The following CMKLR1 variants were observed in gnomAD, a reference collection of about 807,000 sequenced individuals.
CMKLR1 encodes chemerin chemokine-like receptor 1.
A neutral mutation model predicts 8.2 loss-of-function variants in CMKLR1; 6 were observed. That is an observed-to-expected ratio of 0.73 (90% CI 0.40 to 1.44). CMKLR1 has a LOEUF of 1.44. Among genes scored for constraint, CMKLR1 ranks in the 40% most tolerant of loss-of-function variants. CMKLR1 has a pLI of 0.02. For synonymous variants in CMKLR1, 178 were observed against 181.2 expected (o/e 0.98, Z 0.14); for missense variants, 429 against 478.0 (o/e 0.90, Z 0.96).
chr12:108,291,853 G>A lies in CMKLR1; in HGVS notation c.1110C>T (p.Thr370=), dbSNP rs199778809. The A allele has an allele frequency of 2.5e-4, 408 of 1,612,414 alleles. 1 individual carries two copies. Among genetic ancestry groups the A allele is most frequent in the Admixed American group, 1.2e-3 (74 of 59,938 alleles). The change falls in exon 4 of 4, where the codon ACC becomes ACT. Residue 370 remains threonine (T), a synonymous_variant. Transcript: ENST00000550402. The part of the protein sequence containing the change: ...NERTSMNERE[T]GML ...TCCACAGTGAGGATCAAAGCATGCC[G>A]GTCTCCCTCTCATTCATAGAAGTCC...
At chr12:108,321,934 G>A (rs1185470049) in intron 2 of CMKLR1, among the ~76,000 whole-genome samples, 3 of 152,160 alleles carry the variant, frequency 2.0e-5, no homozygotes, top group Non-Finnish European at 4.4e-5. Flanking sequence ...CATAGGGGTG[G>A]ATCCCTCCTG....
At position 108,290,480 on chromosome 12, in the gene CMKLR1, T is replaced by C. The variant is rs1024445463; in HGVS notation, c.*1361A>G. ...GCTAAATAAATGTAGGCTATCAATA[T>C]ACTAGAATAATCTCCACAGATAAAT... On this transcript the variant is annotated 3_prime_UTR_variant, in exon 4 of 4. Coordinates refer to ENST00000550402, the MANE Select transcript of CMKLR1 (RefSeq NM_001142343.2). 1 of 152,230 alleles carries C rather than the reference T, an allele frequency of 6.6e-6. No individual in the cohort carries two copies. Among genetic ancestry groups the C allele is most frequent in the African/African-American group, 2.4e-5 (1 of 41,462 alleles). The allele number at this position is 152,230 out of a possible 1,614,324, so 9.4% of individuals were successfully genotyped here. A position where few individuals can be genotyped will look rare whatever the true frequency, so the allele number is the denominator to read the frequency against.
chr12:108,291,517 G>A lies in CMKLR1; in HGVS notation c.*324C>T. ...GTCATTTCTGGGGCACACACAATAG[G>A]CAGCTTAATCCCACCGCCCTATGCC... On this transcript the variant is annotated 3_prime_UTR_variant, in exon 4 of 4. Transcript: ENST00000550402. The A allele has an allele frequency of 3.5e-6, 1 of 288,350 alleles. No individual in the cohort carries two copies. The highest frequency in any genetic ancestry group is 4.8e-5 in the South Asian group (1 of 20,796). The allele number at this position is 288,350 out of a possible 1,614,324, so 17.9% of individuals were successfully genotyped here.
chr12:108,329,320 C>A (rs1451500311), intron 2 of CMKLR1, among the ~76,000 whole-genome samples: 1 of 152,210 alleles, frequency 6.6e-6, no homozygotes, highest in Non-Finnish European at 1.5e-5. Context: ...AGACTCCCTG[C>A]ACTCATCAAG....
chr12:108,324,556 G>A (rs55813925), intron 2 of CMKLR1, among the ~76,000 whole-genome samples: 17,152 of 152,138 alleles, frequency 0.11, 1,850 homozygotes, highest in African/African-American at 0.26. Flanking sequence ...CCCTGGAGCC[G>A]ACCCAAAGAC....
At chr12:108,303,156 A>T (rs1359622379) in intron 2 of CMKLR1, among the ~76,000 whole-genome samples, 1 of 152,206 alleles carries the variant, frequency 6.6e-6, no homozygotes, top group African/African-American at 2.4e-5. Flanking sequence ...GGCGGGAATG[A>T]ACTTGGACCG....
chr12:108,292,567 G>A lies in CMKLR1; in HGVS notation c.396C>T (p.Ile132=), dbSNP rs1474940333. 1.9e-6 allele frequency: 3 copies of A among 1,614,100 alleles called. No homozygotes were observed. Among genetic ancestry groups the A allele is most frequent in the Non-Finnish European group, 2.5e-6 (3 of 1,180,052 alleles). ...CAGAGATGCAGCGGTCAGAGCTGAT[G>A]ATGGTCAGCAGGAAGACGCTGGTGA... is the stretch of plus-strand genomic sequence containing the variant. The part of the protein sequence containing the change: ...NMFTSVFLLT[I]ISSDRCISVL... Residue 132 remains isoleucine (I), a synonymous_variant, in exon 4 of 4, where the codon ATC becomes ATT. Transcript: ENST00000550402.
intron 2 of CMKLR1, among the ~76,000 whole-genome samples, chr12:108,301,729 G>A (rs1270721109): frequency 6.6e-6 from 1 of 152,206 alleles, no homozygotes; most frequent in Non-Finnish European, 1.5e-5. Flanking sequence ...AGGAGACTGA[G>A]GCTTTGGAAA....
chr12:108,325,688 A>C (rs192860818), intron 2 of CMKLR1, among the ~76,000 whole-genome samples: 4 of 152,224 alleles, frequency 2.6e-5, no homozygotes. Flanking sequence ...TCAAGCAAGG[A>C]AGTCAAGGAA....
intron 2 of CMKLR1, chr12:108,320,485 C>G (rs151307104): frequency 1.2e-4 from 19 of 152,348 alleles, no homozygotes; most frequent in African/African-American, 4.3e-4. Context: ...ACCTCTCCCC[C>G]ACATTTAGAA....
At chr12:108,324,833 T>TGTGCTGGGTGCAGGA (rs71442089) in intron 2 of CMKLR1, among the ~76,000 whole-genome samples, 57,217 of 151,760 alleles carry the variant, frequency 0.38, 11,190 homozygotes, top group Admixed American at 0.48. Flanking sequence ...GCACCCACAA[T>TGTGCTGGGTGCAGGA]GTGGTGGGTG....
intron 1 of CMKLR1, among the ~76,000 whole-genome samples, chr12:108,337,681 T>G (rs1374193303): frequency 6.6e-6 from 1 of 152,094 alleles, no homozygotes; most frequent in African/African-American, 2.4e-5. Context: ...AAGTTAAGGT[T>G]ATCTGTTCCC....
chr12:108,312,580 T>C (rs1278132623), intron 2 of CMKLR1, among the ~76,000 whole-genome samples: 1 of 152,166 alleles, frequency 6.6e-6, no homozygotes, highest in Non-Finnish European at 1.5e-5. Flanking sequence ...GAGGTAGATA[T>C]TTTCATTCCC....
Position 108,288,318 on chromosome 12 carries a change from C to T in CMKLR1, c.*3523G>A, listed in dbSNP as rs907934499. 13 of 152,264 alleles carry T rather than the reference C, an allele frequency of 8.5e-5. No homozygotes were observed. Among genetic ancestry groups the T allele is most frequent in the Admixed American group, 6.5e-4 (10 of 15,286 alleles). 9.4% of individuals were successfully genotyped at this position (152,264 alleles called of 1,614,324 possible). A position where few individuals can be genotyped will look rare whatever the true frequency, so the allele number is the denominator to read the frequency against. On this transcript the variant is annotated 3_prime_UTR_variant, in exon 4 of 4. Coordinates refer to ENST00000550402, the MANE Select transcript of CMKLR1 (RefSeq NM_001142343.2). ...CCACTTTCATCCAAACCAGACACCACCTCGTTTTGCAGAGTCCTCAGGGGA... is the reference window on the plus strand; with the variant it reads ...CCACTTTCATCCAAACCAGACACCATCTCGTTTTGCAGAGTCCTCAGGGGA...
At chr12:108,309,251 G>T (rs1267441552) in intron 2 of CMKLR1, among the ~76,000 whole-genome samples, 1 of 152,190 alleles carries the variant, frequency 6.6e-6, no homozygotes, top group Non-Finnish European at 1.5e-5. Context: ...TTTGTGCTGT[G>T]AATAAAATAC....
intron 2 of CMKLR1, among the ~76,000 whole-genome samples, chr12:108,301,209 G>A (rs890965165): frequency 2.6e-5 from 4 of 151,600 alleles, no homozygotes; most frequent in Non-Finnish European, 5.9e-5. Flanking sequence ...CCGAGTAGCT[G>A]GGACTACAGG....
chr12:108,310,977 G>A (rs368167253), intron 2 of CMKLR1, among the ~76,000 whole-genome samples: 63 of 149,178 alleles, frequency 4.2e-4, no homozygotes, highest in South Asian at 1.1e-3. Flanking sequence ...CAGGAGATGA[G>A]CAGGGTGCAG....
intron 1 of CMKLR1, among the ~76,000 whole-genome samples, chr12:108,331,047 C>G (rs1338871987): frequency 3.9e-5 from 6 of 152,290 alleles, no homozygotes; most frequent in Admixed American, 2.6e-4. Context: ...ATGAGCCAGA[C>G]AAGCATGTCT....
chr12:108,321,340 G>A (rs1169453104), intron 2 of CMKLR1, among the ~76,000 whole-genome samples: 1 of 152,164 alleles, frequency 6.6e-6, no homozygotes, highest in East Asian at 1.9e-4. Flanking sequence ...GCTAAGGCGG[G>A]CAGATCAATT....
Sources: gnomAD v4.1 joint callset for allele counts (sites outside exome capture counted in the v4.1 genomes callset) on GRCh38, gnomAD v4.1.1 for gene constraint, MANE v1.5 for transcripts, NCBI Gene and HGNC (gene_info 2026-07-23, HGNC 2026-07-21) for gene names.